The following ASH1L variants were observed in gnomAD, a reference collection of about 807,000 sequenced individuals.
The protein encoded by ASH1L is ASH1 like histone lysine methyltransferase.
In ASH1L, 23 loss-of-function variants were observed where a neutral mutation model predicts 269.0. The observed-to-expected ratio is 0.09, with a 90% CI of 0.06 to 0.12. The LOEUF (loss-of-function observed/expected upper bound fraction) is 0.12. ASH1L is among the 10% of genes least tolerant of loss of function. ASH1L has a pLI of 1.00. For synonymous variants in ASH1L, 1,187 were observed against 1,253.5 expected (o/e 0.95, Z 1.12); for missense variants, 2,912 against 3,567.8 (o/e 0.82, Z 4.68).
At chr1:155,352,055 A>G (rs1232417708) in intron 17 of ASH1L, among the ~76,000 whole-genome samples, 1 of 151,834 alleles carries the variant, frequency 6.6e-6, no homozygotes, top group East Asian at 1.9e-4. Context: ...TTGCTACCAT[A>G]CTTAATTTCT....
intron 5 of ASH1L, among the ~76,000 whole-genome samples, chr1:155,427,734 C>T (rs534215550): frequency 3.3e-5 from 5 of 152,266 alleles, no homozygotes; most frequent in Non-Finnish European, 5.9e-5. Context: ...CCACTGCACC[C>T]GGCCCCTGAT....
At chr1:155,345,547 A>G (rs1168076628) in intron 21 of ASH1L, among the ~76,000 whole-genome samples, 4 of 143,390 alleles carry the variant, frequency 2.8e-5, no homozygotes, top group Admixed American at 7.0e-5. Context: ...TGCTGGGATT[A>G]TAGGTGTGAG....
intron 5 of ASH1L, chr1:155,433,220 C>T (rs757835827): frequency 3.2e-6 from 5 of 1,549,598 alleles, no homozygotes; most frequent in East Asian, 4.9e-5. Flanking sequence ...CTTCTTGCCC[C>T]CTCCAGGCGG....
chr1:155,455,709 G>A (rs760698464), intron 4 of ASH1L, among the ~76,000 whole-genome samples: 2 of 152,150 alleles, frequency 1.3e-5, no homozygotes, highest in African/African-American at 2.4e-5. Flanking sequence ...ATATTTAATG[G>A]CAATTCTCTA....
chr1:155,479,778 G>C lies in ASH1L; in HGVS notation c.3092C>G (p.Ser1031Cys), dbSNP rs780143723. ...TVSSLAATFG[S>C]KLGQQINVSK... is the part of the protein sequence containing the mutation. ...GACATTTATCTGTTGGCCCAATTTA[G>C]AGCCAAATGTGGCAGCAAGACTTGA... The change falls in exon 3 of 28, where the codon TCT (serine) becomes TGT (cysteine). Residue 1031 changes from serine to cysteine, a missense_variant. Physicochemically the swap from Ser to Cys is moderately radical, Grantham distance 112. Around this residue, in one of 13 missense-constraint regions of ASH1L, gnomAD observed 715 missense variants for 721.0 expected, o/e 0.99. Coordinates refer to ENST00000392403, the MANE Select transcript of ASH1L (RefSeq NM_018489.3). The C allele has an allele frequency of 6.2e-7, 1 of 1,614,118 alleles. No individual in the cohort carries two copies. Among genetic ancestry groups the C allele is most frequent in the South Asian group, 1.1e-5 (1 of 91,076 alleles).
At position 155,405,841 on chromosome 1, in the gene ASH1L, A is replaced by AAAG. The variant is rs1353168754; in HGVS notation, c.6008+9902_6008+9903insCTT. Among the ~76,000 whole-genome samples, 564 of 151,552 alleles carry AAAG rather than the reference A, an allele frequency of 3.7e-3. 4 individuals carry two copies. The highest frequency in any genetic ancestry group is 0.013 in the African/African-American group (541 of 41,274). ...CGATTCTCTGTGTCAAAAAAAAAAAAAAAAAAGTCAAAATAAATGGAAAGA... is the reference window on the plus strand; with the variant it reads ...CGATTCTCTGTGTCAAAAAAAAAAAAAAGAAAAAAGTCAAAATAAATGGAAAGA... On this transcript the variant is annotated intron_variant, in intron 6 of 27. Coordinates refer to ENST00000392403, the MANE Select transcript of ASH1L (RefSeq NM_018489.3).
At chr1:155,510,096 T>C (rs1186031437) in intron 2 of ASH1L, among the ~76,000 whole-genome samples, 1 of 151,870 alleles carries the variant, frequency 6.6e-6, no homozygotes, top group Non-Finnish European at 1.5e-5. Flanking sequence ...ATAACCAAAG[T>C]CTAAAGACAA....
chr1:155,411,600 T>TC (rs1659804281), intron 6 of ASH1L, among the ~76,000 whole-genome samples: 1 of 82,514 alleles, frequency 1.2e-5, no homozygotes, highest in Non-Finnish European at 2.6e-5. Flanking sequence ...TATATATATA[T>TC]ATATATATAT....
chr1:155,431,119 G>T (rs1661562483), intron 5 of ASH1L, among the ~76,000 whole-genome samples: 2 of 151,966 alleles, frequency 1.3e-5, no homozygotes, highest in African/African-American at 2.4e-5. Flanking sequence ...GCTGAGGCAG[G>T]AAAATCGCTA....
chr1:155,358,400 A>T (rs916510891), intron 13 of ASH1L, among the ~76,000 whole-genome samples: 2 of 152,120 alleles, frequency 1.3e-5, no homozygotes, highest in African/African-American at 2.4e-5. Flanking sequence ...AAAAAATTTT[A>T]AAAAGGCCAG....
chr1:155,484,950 C>CAAACAA (rs1666222986), intron 2 of ASH1L, among the ~76,000 whole-genome samples: 1 of 118,322 alleles, frequency 8.5e-6, no homozygotes, highest in African/African-American at 3.5e-5. Flanking sequence ...AAAACAAAAA[C>CAAACAA]AAAAACAAAA....
intron 3 of ASH1L, among the ~76,000 whole-genome samples, chr1:155,476,783 G>T (rs974849119): frequency 5.8e-4 from 88 of 151,948 alleles, no homozygotes; most frequent in African/African-American, 1.7e-3. Flanking sequence ...TCGATCTCTT[G>T]ACCTCATGAT....
chr1:155,341,668 C>T (rs1652832757), intron 25 of ASH1L, among the ~76,000 whole-genome samples: 4 of 151,958 alleles, frequency 2.6e-5, no homozygotes, highest in Admixed American at 2.6e-4. Context: ...CAAAAATCTA[C>T]AGAATGGGGC....
At chr1:155,355,873 C>G (rs568868998) in intron 15 of ASH1L, among the ~76,000 whole-genome samples, 36 of 149,396 alleles carry the variant, frequency 2.4e-4, no homozygotes, top group South Asian at 2.1e-4. Context: ...ACTAAAGATC[C>G]TTTCTATTGC....
chr1:155,440,502 C>T (rs938376227), intron 4 of ASH1L: 2 of 912,764 alleles, frequency 2.2e-6, no homozygotes, highest in Non-Finnish European at 2.6e-6. Context: ...TTTATACTTA[C>T]TTTCCCACTG....
At chr1:155,513,652 T>C (rs1165796499) in intron 2 of ASH1L, among the ~76,000 whole-genome samples, 2 of 150,034 alleles carry the variant, frequency 1.3e-5, no homozygotes, top group Non-Finnish European at 3.0e-5. Flanking sequence ...AAAATTGCAA[T>C]ACGACCAAAA....
At chr1:155,461,955 T>C (rs372410919) in intron 3 of ASH1L, among the ~76,000 whole-genome samples, 1 of 151,962 alleles carries the variant, frequency 6.6e-6, no homozygotes, top group South Asian at 2.1e-4. Context: ...TGGGCCACCA[T>C]GCCCAGCTAA....
At chr1:155,496,129 C>T (rs1373585961) in intron 2 of ASH1L, among the ~76,000 whole-genome samples, 1 of 152,178 alleles carries the variant, frequency 6.6e-6, no homozygotes, top group Non-Finnish European at 1.5e-5. Flanking sequence ...TAACATACAG[C>T]TGTACAAAAT....
In ASH1L at chr1:155,562,259, C is replaced by T. The variant is rs1261872459; in HGVS notation, c.-206G>A. On this transcript the variant is annotated 5_prime_UTR_variant, in exon 1 of 28. Transcript: ENST00000392403. Reference sequence around the variant, plus strand: ...GCTTCCCTGGGTCCACGGCGGATCCCTCCCGCTTGTCAGGAGGCGGCCAGC... The same window carrying T: ...GCTTCCCTGGGTCCACGGCGGATCCTTCCCGCTTGTCAGGAGGCGGCCAGC... 2 of 1,610,096 alleles carry T rather than the reference C, an allele frequency of 1.2e-6. No individual in the cohort carries two copies. Among genetic ancestry groups the T allele is most frequent in the South Asian group, 1.1e-5 (1 of 90,988 alleles).
Sources: allele counts gnomAD v4.1 joint callset (sites outside exome capture counted in the v4.1 genomes callset), GRCh38; gene constraint gnomAD v4.1.1; regional missense constraint gnomAD v4.1.1; transcripts MANE v1.5; gene names NCBI Gene and HGNC (gene_info 2026-07-23, HGNC 2026-07-21).